Variants in FRMPD2 observed in about 807,000 individuals in gnomAD.
FRMPD2 encodes FERM and PDZ domain-containing protein 2.
A neutral mutation model predicts 140.1 loss-of-function variants in FRMPD2; 96 were observed. The observed-to-expected ratio is 0.69, with a 90% CI of 0.58 to 0.81. The LOEUF (loss-of-function observed/expected upper bound fraction) is 0.81. Among genes scored for constraint, FRMPD2 ranks in the 40% least tolerant of loss-of-function variants. The pLI is 0.00. For missense variants in FRMPD2, 1,240 were observed against 1,447.4 expected (o/e 0.86, Z 2.32); for synonymous variants, 449 against 547.6 (o/e 0.82, Z 2.52).
Position 48,260,146 on chromosome 10 carries a change from AATAG to A in FRMPD2, c.26-8459_26-8456del, listed in dbSNP as rs1279638017. ...AACATTTAAGGTAATAATGGCTAAG[AATAG>A]ATAGATAGATTGATAGATAGATAGA... On this transcript the variant is annotated intron_variant, in intron 1 of 28. Transcript: ENST00000374201. 5.3e-5 allele frequency among the ~76,000 whole-genome samples: 8 copies of A among 152,214 alleles called. 1 individual carries two copies. The highest frequency in any genetic ancestry group is 4.2e-4 in the South Asian group (2 of 4,818).
At chr10:48,257,213 A>G (rs1840506368) in intron 1 of FRMPD2, among the ~76,000 whole-genome samples, 1 of 151,078 alleles carries the variant, frequency 6.6e-6, no homozygotes, top group South Asian at 2.1e-4. Flanking sequence ...TAACATTCAC[A>G]GGTTCCACAA....
chr10:48,267,430 C>T (rs555654759), intron 1 of FRMPD2, among the ~76,000 whole-genome samples: 2 of 152,274 alleles, frequency 1.3e-5, no homozygotes, highest in Admixed American at 6.5e-5. Context: ...AGAGAATCCA[C>T]GGATTGAGAA....
In FRMPD2 at chr10:48,184,759, T is replaced by C. The variant is rs770546297; in HGVS notation, c.2467+15A>G. The C allele has an allele frequency of 6.2e-7, 1 of 1,604,390 alleles. No homozygotes were observed. Among genetic ancestry groups the C allele is most frequent in the Non-Finnish European group, 8.5e-7 (1 of 1,172,898 alleles). Reference sequence around the variant, plus strand: ...TTTCTTAAAACAGCATCTCTAGTAATTTAAAAAGATGTACCTGGTTTGATC... The same window carrying C: ...TTTCTTAAAACAGCATCTCTAGTAACTTAAAAAGATGTACCTGGTTTGATC... On this transcript the variant is annotated intron_variant, in intron 19 of 28. Transcript: ENST00000374201.
intron 1 of FRMPD2, among the ~76,000 whole-genome samples, chr10:48,252,581 C>G (rs1840409938): frequency 6.6e-6 from 1 of 152,166 alleles, no homozygotes; most frequent in African/African-American, 2.4e-5. Flanking sequence ...CCCAGCTGCC[C>G]AGCTCCCTGC....
chr10:48,266,989 A>G (rs966394824), intron 1 of FRMPD2, among the ~76,000 whole-genome samples: 1 of 152,076 alleles, frequency 6.6e-6, no homozygotes, highest in African/African-American at 2.4e-5. Flanking sequence ...GATGCCCTCA[A>G]GGTTATCAAG....
In FRMPD2 at chr10:48,157,148, G is replaced by A; in HGVS notation, c.*174C>T. The A allele has an allele frequency of 1.4e-6, 1 of 722,812 alleles. No individual in the cohort carries two copies. Among genetic ancestry groups the A allele is most frequent in the South Asian group, 1.4e-5 (1 of 69,208 alleles). 44.8% of individuals were successfully genotyped at this position (722,812 alleles called of 1,614,324 possible). A position where few individuals can be genotyped will look rare whatever the true frequency, so the allele number is the denominator to read the frequency against. ...TTACTCCCCGCGGAAGGACACAGGA[G>A]GCAGACGAGTGGTGAAGCTCATTAT... On this transcript the variant is annotated 3_prime_UTR_variant, in exon 29 of 29. Coordinates refer to ENST00000374201, the MANE Select transcript of FRMPD2 (RefSeq NM_001018071.4).
chr10:48,250,175 C>A (rs1000172559), intron 2 of FRMPD2, among the ~76,000 whole-genome samples: 16 of 152,206 alleles, frequency 1.1e-4, no homozygotes, highest in African/African-American at 3.4e-4. Context: ...CCAACCCCCA[C>A]CTGCAGTGCG....
intron 28 of FRMPD2, among the ~76,000 whole-genome samples, chr10:48,158,003 T>C (rs1406716414): frequency 1.5e-5 from 2 of 134,482 alleles, no homozygotes; most frequent in African/African-American, 5.8e-5. Context: ...TGTGTGTCCA[T>C]TGGCCACTGC....
chr10:48,216,855 C>A (rs1242583824), intron 12 of FRMPD2, among the ~76,000 whole-genome samples: 2 of 152,240 alleles, frequency 1.3e-5, no homozygotes, highest in Admixed American at 6.5e-5. Context: ...TGGCTTAGAG[C>A]ACCCTCCTCC....
rs1837997953 is a variant in FRMPD2 at position 48,163,375 on chromosome 10, A to G, written c.3834T>C (p.Asp1278=). The G allele has an allele frequency of 3.0e-6, 3 of 989,432 alleles. No individual in the cohort carries two copies. Among genetic ancestry groups the G allele is most frequent in the Non-Finnish European group, 4.9e-6 (3 of 616,750 alleles). The allele number at this position is 989,432 out of a possible 1,614,324, so 61.3% of individuals were successfully genotyped here. A position where few individuals can be genotyped will look rare whatever the true frequency, so the allele number is the denominator to read the frequency against. ...AAACTGAATAGCAGTTTTGCCTCACATCCTTTTCCAAAGAGGTCGCCAATG... is the reference window on the plus strand; with the variant it reads ...AAACTGAATAGCAGTTTTGCCTCACGTCCTTTTCCAAAGAGGTCGCCAATG... ...ESTLATSLEK[D]VRQNCYSVCD... is the part of the protein sequence containing the mutation. The change falls in exon 28 of 29, where the codon GAT becomes GAC. Residue 1278 remains aspartate (D), a synonymous_variant. Transcript: ENST00000374201.
At chr10:48,250,011 T>C (rs1338227278) in intron 2 of FRMPD2, among the ~76,000 whole-genome samples, 1 of 152,178 alleles carries the variant, frequency 6.6e-6, no homozygotes, top group Non-Finnish European at 1.5e-5. Context: ...ACAGAACACA[T>C]GCCCAGGATG....
chr10:48,213,017 C>G (rs143440703), intron 12 of FRMPD2, among the ~76,000 whole-genome samples: 1 of 152,298 alleles, frequency 6.6e-6, no homozygotes, highest in African/African-American at 2.4e-5. Context: ...CCATTTCCCT[C>G]CAGTTGAGGG....
chr10:48,234,999 TG>T (rs1839935528), intron 9 of FRMPD2, among the ~76,000 whole-genome samples: 2 of 152,148 alleles, frequency 1.3e-5, no homozygotes, highest in Non-Finnish European at 2.9e-5. Flanking sequence ...AAGGGGTCCC[TG>T]GGTGAATTGT....
chr10:48,225,084 C>T (rs1204997404), intron 10 of FRMPD2, among the ~76,000 whole-genome samples: 4 of 152,116 alleles, frequency 2.6e-5, no homozygotes, highest in African/African-American at 9.7e-5. Context: ...AATAGAGGAA[C>T]ACTGAGATAT....
intron 16 of FRMPD2, among the ~76,000 whole-genome samples, chr10:48,188,003 T>G (rs1363401679): frequency 6.6e-6 from 1 of 152,158 alleles, no homozygotes; most frequent in Non-Finnish European, 1.5e-5. Context: ...TGCACAGAGA[T>G]AAGCTACATT....
At chr10:48,215,186 T>C (rs927764659) in intron 12 of FRMPD2, among the ~76,000 whole-genome samples, 3 of 152,188 alleles carry the variant, frequency 2.0e-5, no homozygotes, top group East Asian at 1.9e-4. Context: ...ACCAGAACCA[T>C]TTATCAAACA....
At chr10:48,197,170 G>T in intron 15 of FRMPD2, among the ~76,000 whole-genome samples, 1 of 152,106 alleles carries the variant, frequency 6.6e-6, no homozygotes, top group East Asian at 1.9e-4. Flanking sequence ...TGAAAGTTCA[G>T]CAATTTTGTT....
chr10:48,259,221 C>T (rs1408764771), intron 1 of FRMPD2, among the ~76,000 whole-genome samples: 1 of 152,168 alleles, frequency 6.6e-6, no homozygotes, highest in Non-Finnish European at 1.5e-5. Flanking sequence ...CCCTTTACAG[C>T]TTACAGAGTT....
intron 11 of FRMPD2, among the ~76,000 whole-genome samples, chr10:48,222,917 C>T (rs901314772): frequency 4.4e-4 from 67 of 152,160 alleles, no homozygotes; most frequent in Non-Finnish European, 7.4e-5. Flanking sequence ...TATTCTCATT[C>T]TGACCAGGGC....
Sources: allele counts gnomAD v4.1 joint callset (sites outside exome capture counted in the v4.1 genomes callset), GRCh38; gene constraint gnomAD v4.1.1; transcripts MANE v1.5; gene names NCBI Gene and HGNC (gene_info 2026-07-23, HGNC 2026-07-21).